PYCR1: variants seen among roughly 807,000 people sequenced by gnomAD.
PYCR1 encodes the protein pyrroline-5-carboxylate reductase 1, also known as pyrroline-5-carboxylate reductase 1, mitochondrial.
In PYCR1, 19 loss-of-function variants were observed where a neutral mutation model predicts 22.9. That is an observed-to-expected ratio of 0.83 (90% CI 0.58 to 1.22). PYCR1 has a LOEUF of 1.22. Ranked by LOEUF, PYCR1 falls within the 50% of genes most tolerant of loss-of-function variation. The pLI, the probability that PYCR1 is intolerant of heterozygous loss-of-function variation, is 0.00. For missense variants in PYCR1, 429 were observed against 431.3 expected (o/e 0.99, Z 0.05); for synonymous variants, 175 against 180.5 (o/e 0.97, Z 0.24).
Position 81,937,227 on chromosome 17 carries a change from C to G in PYCR1, c.-413G>C. On this transcript the variant is annotated 5_prime_UTR_variant, in exon 1 of 7. Transcript: ENST00000329875. The stretch of plus-strand genomic sequence containing the variant: ...GCCGCCCACCATTCCCGGAGCCCGA[C>G]CCCAACCCAGCTACCGTGCGCGGGT... 1 of 1,463,884 alleles carries G rather than the reference C, an allele frequency of 6.8e-7. No individual in the cohort carries two copies. Among genetic ancestry groups the G allele is most frequent in the Non-Finnish European group, 9.0e-7 (1 of 1,111,252 alleles). The allele number at this position is 1,463,884 out of a possible 1,614,324, so 90.7% of individuals were successfully genotyped here.
chr17:81,934,091 C>G, intron 6 of PYCR1: 2 of 618,100 alleles, frequency 3.2e-6, no homozygotes, highest in Non-Finnish European at 5.8e-6. Flanking sequence ...GTGGGGAGCA[C>G]AGGGCACAGC....
Position 81,933,143 on chromosome 17 carries a change from G to C in PYCR1, c.*71C>G, listed in dbSNP as rs889906307. The stretch of plus-strand genomic sequence containing the variant: ...AGAGCCACAGAAAGTGGGCCACTTT[G>C]GGGACCCCCTAGTCCCCCTAGTGAC... On this transcript the variant is annotated 3_prime_UTR_variant, in exon 7 of 7. Coordinates refer to ENST00000329875, the MANE Select transcript of PYCR1 (RefSeq NM_006907.4). The C allele has an allele frequency of 3.1e-6, 5 of 1,607,966 alleles. No individual in the cohort carries two copies. The highest frequency in any genetic ancestry group is 2.7e-5 in the African/African-American group (2 of 74,872).
rs781008332 is a variant in PYCR1 at position 81,933,168 on chromosome 17, CAA to C, written c.*44_*45del. The C allele has an allele frequency of 3.7e-6, 6 of 1,611,988 alleles. No individual in the cohort carries two copies. Among genetic ancestry groups the C allele is most frequent in the East Asian group, 2.2e-5 (1 of 44,886 alleles). The stretch of plus-strand genomic sequence containing the variant: ...GGGGACCCCCTAGTCCCCCTAGTGA[CAA>C]GAGAAGAGAAGGTGGTGGCAGGATG... On this transcript the variant is annotated 3_prime_UTR_variant, in exon 7 of 7. Coordinates refer to ENST00000329875, the MANE Select transcript of PYCR1 (RefSeq NM_006907.4).
rs367738774 is a variant in PYCR1 at position 81,935,136 on chromosome 17, C to T, written c.330G>A (p.Ala110=). ...TISSIEKKLS[A]FRPAPRVIRC... ...GGATGACCCTGGGGGCTGGCCGAAACGCTGACAGCTTCTGGAAGAGAAACC... is the reference window on the plus strand; with the variant it reads ...GGATGACCCTGGGGGCTGGCCGAAATGCTGACAGCTTCTGGAAGAGAAACC... The change falls in exon 4 of 7, where the codon GCG becomes GCA. Residue 110 remains alanine (A), a synonymous_variant. Transcript: ENST00000329875. 5.8e-5 allele frequency: 94 copies of T among 1,607,492 alleles called. No individual in the cohort carries two copies. Among genetic ancestry groups the T allele is most frequent in the Non-Finnish European group, 7.8e-5 (92 of 1,179,690 alleles).
At chr17:81,935,251 A>G in intron 3 of PYCR1, 86 bp downstream of exon 3, 2 of 1,586,678 alleles carry the variant, frequency 1.3e-6, no homozygotes, top group Admixed American at 1.7e-5. Context: ...GGGACGCTGC[A>G]ACCCTTTTGC....
chr17:81,935,664 T>A, intron 2 of PYCR1, 148 bp from the exon 3 acceptor site: 2 of 768,490 alleles, frequency 2.6e-6, no homozygotes, highest in Non-Finnish European at 2.2e-6. Context: ...ACCCCCTTGA[T>A]GACCCTTCCC....
At position 81,934,356 on chromosome 17, in the gene PYCR1, TTGA is replaced by T; in HGVS notation, c.764_766del (p.Ile255del). Reference sequence around the variant, plus strand: ...GCGGATGCAGGAGGCCTCCACAGCGTTGATGAGCAGGGAGCGGAAGCCCCCACT... The same window carrying T: ...GCGGATGCAGGAGGCCTCCACAGCGTTGAGCAGGGAGCGGAAGCCCCCACT... On this transcript the variant is annotated inframe_deletion, in exon 6 of 7. Transcript: ENST00000329875. 6.2e-7 allele frequency: 1 copy of T among 1,612,946 alleles called. No homozygotes were observed. The highest frequency in any genetic ancestry group is 8.5e-7 in the Non-Finnish European group (1 of 1,179,966).
chr17:81,934,852 G>A lies in PYCR1; in HGVS notation c.540+74C>T, dbSNP rs1371358562. ...GGAGCCCTCCACCCTGGCCCTCCCA[G>A]GGGGAGCAGGGACAGATGTGCCCGG... On this transcript the variant is annotated intron_variant, in intron 4 of 6. Transcript: ENST00000329875. 5 of 1,571,630 alleles carry A rather than the reference G, an allele frequency of 3.2e-6. No homozygotes were observed. The African/African-American group carries it at 4.1e-5, about 13-fold the overall frequency.
chr17:81,932,721 G>T lies in PYCR1; in HGVS notation c.*493C>A. The T allele has an allele frequency of 9.4e-7, 1 of 1,059,668 alleles. No homozygotes were observed. The highest frequency in any genetic ancestry group is 1.4e-6 in the Non-Finnish European group (1 of 727,076). The allele number at this position is 1,059,668 out of a possible 1,614,324, so 65.6% of individuals were successfully genotyped here. On this transcript the variant is annotated 3_prime_UTR_variant, in exon 7 of 7. Transcript: ENST00000329875. ...GCGTGCTTGGCAGCCAAGAGGGGCT[G>T]TGGCCCTTCACGCTGGACTTGGGAT...
Position 81,937,173 on chromosome 17 carries a change from G to C in PYCR1, c.-359C>G. 6.8e-7 allele frequency: 1 copy of C among 1,472,856 alleles called. No homozygotes were observed. The highest frequency in any genetic ancestry group is 1.4e-5 in the African/African-American group (1 of 70,302). 91.2% of individuals were successfully genotyped at this position (1,472,856 alleles called of 1,614,324 possible). A position where few individuals can be genotyped will look rare whatever the true frequency, so the allele number is the denominator to read the frequency against. The stretch of plus-strand genomic sequence containing the variant: ...CTGGGTTCCCACCCCGCCCAGAACT[G>C]GGCTACCGTCGCGCCCCACCCGGCG... On this transcript the variant is annotated 5_prime_UTR_variant, in exon 1 of 7. Coordinates refer to ENST00000329875, the MANE Select transcript of PYCR1 (RefSeq NM_006907.4).
chr17:81,934,883 C>T (rs1165053443), intron 4 of PYCR1, 43 bp downstream of exon 4: 1 of 1,601,208 alleles, frequency 6.2e-7, no homozygotes, highest in East Asian at 2.3e-5. Context: ...CCCGGTGGTC[C>T]CGGGAAGTGC....
chr17:81,933,277 A>T lies in PYCR1; in HGVS notation c.897T>A (p.Ala299=). Residue 299 remains alanine (A), a synonymous_variant, in exon 7 of 7, where the codon GCT becomes GCA. Transcript: ENST00000329875. ...GCTTGGTGTGGCCAGAAGGTGACAG[A>T]GCGGTCCCTGCAGGGGAGTCCAGCT... ...KVKLDSPAGT[A]LSPSGHTKLL... 1 of 1,614,004 alleles carries T rather than the reference A, an allele frequency of 6.2e-7. No individual in the cohort carries two copies. Among genetic ancestry groups the T allele is most frequent in the East Asian group, 2.2e-5 (1 of 44,882 alleles).
rs1260526932 is a variant in PYCR1 at position 81,932,407 on chromosome 17, T to C, written c.*807A>G. 1.4e-5 allele frequency: 3 copies of C among 211,326 alleles called. No individual in the cohort carries two copies. In the East Asian group the frequency reaches 3.3e-4, roughly 23 times the overall value. The allele number at this position is 211,326 out of a possible 1,614,324, so 13.1% of individuals were successfully genotyped here. A position where few individuals can be genotyped will look rare whatever the true frequency, so the allele number is the denominator to read the frequency against. On this transcript the variant is annotated 3_prime_UTR_variant, in exon 7 of 7. Transcript: ENST00000329875. Reference sequence around the variant, plus strand: ...ACTTTTGCATTAGATTACATTGACATTTTAATCAGTAAGGCAGATGCCCTC... The same window carrying C: ...ACTTTTGCATTAGATTACATTGACACTTTAATCAGTAAGGCAGATGCCCTC...
intron 1 of PYCR1, among the ~76,000 whole-genome samples, chr17:81,936,413 G>T (rs2041194697): frequency 6.6e-6 from 1 of 152,156 alleles, no homozygotes; most frequent in African/African-American, 2.4e-5. Flanking sequence ...TTTTAGTAGA[G>T]ACGGGGTTTC....
chr17:81,935,987 C>CGAGGAGGTGGG (rs1203619617), intron 2 of PYCR1, 136 bp downstream of exon 2: 1 of 900,464 alleles, frequency 1.1e-6, no homozygotes, highest in East Asian at 2.6e-5. Context: ...ATCAGCAGGG[C>CGAGGAGGTGGG]GAGGAGGTGG....
chr17:81,933,296 T>G lies in PYCR1; in HGVS notation c.878A>C (p.Asp293Ala). Residue 293 changes from aspartate to alanine, a missense_variant, in exon 7 of 7, where the codon GAC becomes GCC. Physicochemically the swap from Asp to Ala is moderately radical, Grantham distance 126 (BLOSUM62 -2). Coordinates refer to ENST00000329875, the MANE Select transcript of PYCR1 (RefSeq NM_006907.4). ...KKTILDKVKLDSPAGTALSPS... is the reference protein window; with the variant it reads ...KKTILDKVKLASPAGTALSPS... ...TGACAGAGCGGTCCCTGCAGGGGAGTCCAGCTTCACCTTGTCCAGGATGGT... is the reference window on the plus strand; with the variant it reads ...TGACAGAGCGGTCCCTGCAGGGGAGGCCAGCTTCACCTTGTCCAGGATGGT... The G allele has an allele frequency of 6.2e-7, 1 of 1,613,668 alleles. No individual in the cohort carries two copies. The highest frequency in any genetic ancestry group is 8.5e-7 in the Non-Finnish European group (1 of 1,179,908).
In PYCR1 at chr17:81,932,780, G is replaced by A; in HGVS notation, c.*434C>T. The A allele has an allele frequency of 8.1e-6, 12 of 1,472,788 alleles. No homozygotes were observed. The highest frequency in any genetic ancestry group is 1.1e-5 in the Non-Finnish European group (12 of 1,088,400). The allele number at this position is 1,472,788 out of a possible 1,614,324, so 91.2% of individuals were successfully genotyped here. On this transcript the variant is annotated 3_prime_UTR_variant, in exon 7 of 7. Transcript: ENST00000329875. ...CCTCTGGCCCTTCTCACACGGGAAG[G>A]AGAGGTTTCTCCCTGAATGGAGGGC... is the stretch of plus-strand genomic sequence containing the variant.
intron 2 of PYCR1, 98 bp from the exon 3 acceptor site, chr17:81,935,614 AGT>A: frequency 2.0e-6 from 1 of 496,534 alleles, no homozygotes; most frequent in Non-Finnish European, 3.9e-6. Context: ...AGAATGCTGG[AGT>A]TGGGGGTGGG....
In PYCR1 at chr17:81,935,370, G is replaced by A. The variant is rs113491328; in HGVS notation, c.285C>T (p.Cys95=). 3.7e-4 allele frequency: 603 copies of A among 1,612,960 alleles called. No individual in the cohort carries two copies. Among genetic ancestry groups the A allele is most frequent in the Non-Finnish European group, 4.4e-4 (519 of 1,179,994 alleles). The change falls in exon 3 of 7, where the codon TGC becomes TGT. Residue 95 remains cysteine (C), a synonymous_variant. Coordinates refer to ENST00000329875, the MANE Select transcript of PYCR1 (RefSeq NM_006907.4). ...DIEDRHIVVS[C]AAGVTISSIE... is the part of the protein sequence containing the mutation. ...TGGAGCTGATGGTGACGCCGGCCGC[G>A]CAGGACACCACAATGTGTCTGTCCT...
Sources: gnomAD v4.1 joint callset for allele counts (sites outside exome capture counted in the v4.1 genomes callset) on GRCh38, gnomAD v4.1.1 for gene constraint, MANE v1.5 for transcripts, NCBI Gene and HGNC (gene_info 2026-07-23, HGNC 2026-07-21) for gene names.